LPCAT4: variants seen among roughly 807,000 people sequenced by gnomAD.
LPCAT4 encodes the protein lysophospholipid acyltransferase LPCAT4.
In LPCAT4, 30 loss-of-function variants were observed where a neutral mutation model predicts 66.5. The ratio of observed to expected loss-of-function variants is 0.45; its 90% CI spans 0.34 to 0.61. The LOEUF (loss-of-function observed/expected upper bound fraction) is 0.61, where lower values mean the gene tolerates loss of function less well. Among genes scored for constraint, LPCAT4 ranks in the 20% least tolerant of loss-of-function variants. The pLI, the probability that LPCAT4 is intolerant of heterozygous loss-of-function variation, is 0.01. For synonymous variants in LPCAT4, 253 were observed against 262.1 expected, an observed-to-expected ratio of 0.97 and a Z score of 0.34; for missense variants, 557 against 656.7, an observed-to-expected ratio of 0.85 and a Z score of 1.66.
chr15:34,364,734 G>T lies in LPCAT4; in HGVS notation c.478+274C>A, dbSNP rs377313027. 2.0e-5 allele frequency: 8 copies of T among 397,366 alleles called. No homozygotes were observed. The South Asian group carries it at 3.4e-4, about 17-fold the overall frequency. The allele number at this position is 397,366 out of a possible 1,614,324, so 24.6% of individuals were successfully genotyped here. A position where few individuals can be genotyped will look rare whatever the true frequency, so the allele number is the denominator to read the frequency against. ...CTCCCAACGTGCTGGGATTATAGGC[G>T]CGAGCCACCGTGCCTGGCCTGTTAT... On this transcript the variant is annotated intron_variant, in intron 3 of 13. Transcript: ENST00000314891.
rs915488132 is a variant in LPCAT4, at chr15:34,363,856, C to T, written c.653-137G>A. 3 of 1,322,008 alleles carry T rather than the reference C, an allele frequency of 2.3e-6. No homozygotes were observed. The highest frequency in any genetic ancestry group is 3.2e-6 in the Non-Finnish European group (3 of 924,742). The allele number at this position is 1,322,008 out of a possible 1,614,324, so 81.9% of individuals were successfully genotyped here. On this transcript the variant is annotated intron_variant, in intron 5 of 13. Transcript: ENST00000314891. The surrounding 1 kb of genome is among the most constrained non-coding windows in gnomAD (Gnocchi z 4.3). ...GTTCCACTCATTGATAATTTTCTCT[C>T]TGACTCCTCGACTTGACAGCATTAG...
At chr15:34,360,438 T>C (rs568836092) in intron 11 of LPCAT4, among the ~76,000 whole-genome samples, 1 of 152,298 alleles carries the variant, frequency 6.6e-6, no homozygotes, top group South Asian at 2.1e-4. Context: ...CATAAAGGGA[T>C]CTCCTAGGAA....
At position 34,367,062 on chromosome 15, in the gene LPCAT4, A is replaced by G. The variant is rs1891097296; in HGVS notation, c.39T>C (p.Asp13=). ...GGGATGCTGGGGGTCCGGGGGTGGGATCTAGGGGGGCCCAGTCCCCCGGAC... is the reference window on the plus strand; with the variant it reads ...GGGATGCTGGGGGTCCGGGGGTGGGGTCTAGGGGGGCCCAGTCCCCCGGAC... The part of the protein sequence containing the change: ...QGSPGDWAPL[D]PTPGPPASPN... Residue 13 remains aspartate, a synonymous_variant, in exon 1 of 14, where the codon GAT becomes GAC. Coordinates refer to ENST00000314891, the MANE Select transcript of LPCAT4 (RefSeq NM_153613.3). The G allele has an allele frequency of 1.9e-6, 3 of 1,551,690 alleles. No homozygotes were observed. Among genetic ancestry groups the G allele is most frequent in the Non-Finnish European group, 2.6e-6 (3 of 1,147,280 alleles).
intron 1 of LPCAT4, 117 bp from the exon 2 acceptor site, chr15:34,365,818 G>T: frequency 7.9e-7 from 1 of 1,259,384 alleles, no homozygotes; most frequent in Non-Finnish European, 1.1e-6. Flanking sequence ...GCATGTGACA[G>T]GTGGTGTGGG....
rs78731388 is a variant in LPCAT4 at position 34,362,357 on chromosome 15, A to G, written c.885-36T>C. ...AAGAGGGATGGGATGGAGGGTAAGG[A>G]AGCAGAAGAAACTTCTGAGGGTTGG... On this transcript the variant is annotated intron_variant, in intron 9 of 13. Coordinates refer to ENST00000314891, the MANE Select transcript of LPCAT4 (RefSeq NM_153613.3). 279 of 1,612,582 alleles carry G rather than the reference A, an allele frequency of 1.7e-4. 1 individual carries two copies. The African/African-American group carries it at 2.9e-3, about 17-fold the overall frequency.
In LPCAT4 at chr15:34,363,344, G is replaced by A. The variant is rs1043443124; in HGVS notation, c.746+78C>T. The stretch of plus-strand genomic sequence containing the variant: ...ATGAAGAAGGGCCATTCACCTTGTC[G>A]GGAGATTGGAAGATGGGCCAGGAAT... On this transcript the variant is annotated intron_variant, in intron 7 of 13. Transcript: ENST00000314891. The surrounding 1 kb of genome is among the most constrained non-coding windows in gnomAD (Gnocchi z 4.3). The A allele has an allele frequency of 4.9e-5, 72 of 1,482,994 alleles. No homozygotes were observed. Among genetic ancestry groups the A allele is most frequent in the East Asian group, 2.3e-4 (10 of 44,210 alleles). 91.9% of individuals were successfully genotyped at this position (1,482,994 alleles called of 1,614,324 possible).
Position 34,365,212 on chromosome 15 carries a change from C to T in LPCAT4, c.274G>A (p.Gly92Arg), listed in dbSNP as rs767118556. 9 of 1,608,214 alleles carry T rather than the reference C, an allele frequency of 5.6e-6. No individual in the cohort carries two copies. Among genetic ancestry groups the T allele is most frequent in the African/African-American group, 2.7e-5 (2 of 74,924 alleles). The change falls in exon 3 of 14, where the codon GGG becomes AGG. Residue 92 changes from glycine to arginine, a missense_variant. Transcript: ENST00000314891. ...TGWRKTVCHNGVLGLSRLLFF... is the reference protein window; with the variant it reads ...TGWRKTVCHNRVLGLSRLLFF... ...AGCAGGCGGCTCAGGCCTAGCACCC[C>T]GTTGTGGCACACAGTCCTGCCAGGG...
rs946367663 is a variant in LPCAT4 at position 34,363,861 on chromosome 15, T to C, written c.653-142A>G. On this transcript the variant is annotated intron_variant, in intron 5 of 13. Coordinates refer to ENST00000314891, the MANE Select transcript of LPCAT4 (RefSeq NM_153613.3). This position sits in a 1 kb window ranked among gnomAD's most constrained non-coding sequence, Gnocchi z 4.3. ...ACTCATTGATAATTTTCTCTCTGAC[T>C]CCTCGACTTGACAGCATTAGCTAGG... 13 of 1,298,642 alleles carry C rather than the reference T, an allele frequency of 1.0e-5. No individual in the cohort carries two copies. The African/African-American group carries it at 1.9e-4, about 19-fold the overall frequency. 80.4% of individuals were successfully genotyped at this position (1,298,642 alleles called of 1,614,324 possible).
intron 1 of LPCAT4, among the ~76,000 whole-genome samples, chr15:34,366,693 C>T (rs577644169): frequency 1.3e-5 from 2 of 151,250 alleles, no homozygotes; most frequent in South Asian, 2.1e-4. Context: ...ATGTAATCCG[C>T]ATTCCCCAGC....
At position 34,363,343 on chromosome 15, in the gene LPCAT4, C is replaced by T. The variant is rs1404751333; in HGVS notation, c.746+79G>A. 21 of 1,477,954 alleles carry T rather than the reference C, an allele frequency of 1.4e-5. No homozygotes were observed. Among genetic ancestry groups the T allele is most frequent in the South Asian group, 9.8e-5 (8 of 81,872 alleles). 91.6% of individuals were successfully genotyped at this position (1,477,954 alleles called of 1,614,324 possible). A position where few individuals can be genotyped will look rare whatever the true frequency, so the allele number is the denominator to read the frequency against. On this transcript the variant is annotated intron_variant, in intron 7 of 13. Transcript: ENST00000314891. The surrounding 1 kb of genome is among the most constrained non-coding windows in gnomAD (Gnocchi z 4.3). ...GATGAAGAAGGGCCATTCACCTTGT[C>T]GGGAGATTGGAAGATGGGCCAGGAA...
chr15:34,359,549 C>G, intron 13 of LPCAT4, 40 bp downstream of exon 13: 1 of 1,596,118 alleles, frequency 6.3e-7, no homozygotes, highest in Non-Finnish European at 8.5e-7. Flanking sequence ...GCTGATGGTG[C>G]CCCAAGTGCC....
rs1246509296 is a variant in LPCAT4, at chr15:34,363,589, C to T, written c.711+72G>A. 6 of 1,602,820 alleles carry T rather than the reference C, an allele frequency of 3.7e-6. No homozygotes were observed. Among genetic ancestry groups the T allele is most frequent in the Non-Finnish European group, 5.1e-6 (6 of 1,169,894 alleles). ...AATGCACATCCCATTAAAGCACCAA[C>T]AGTTTTCACTTATTTCCATTTGGGG... On this transcript the variant is annotated intron_variant, in intron 6 of 13. Transcript: ENST00000314891. The surrounding 1 kb of genome is among the most constrained non-coding windows in gnomAD (Gnocchi z 4.3).
rs1183880332 is a variant in LPCAT4, at chr15:34,359,300, G to C, written c.1402C>G (p.Gln468Glu). 3 of 1,503,116 alleles carry C rather than the reference G, an allele frequency of 2.0e-6. No homozygotes were observed. The highest frequency in any genetic ancestry group is 2.7e-6 in the Non-Finnish European group (3 of 1,126,948). The allele number at this position is 1,503,116 out of a possible 1,614,324, so 93.1% of individuals were successfully genotyped here. Residue 468 changes from glutamine to glutamate, a missense_variant and splice_region_variant, in exon 14 of 14, where the codon CAG (glutamine) becomes GAG (glutamate). Transcript: ENST00000314891. ...TCATGGAGGGAGAAGTTCTGGAACT[G>C]ACCTGGACAAATAAGAGATGGGGAA... is the stretch of plus-strand genomic sequence containing the variant. ...AGSSQGLSLC[Q>E]FQNFSLHDPL...
chr15:34,361,974 C>T (rs1295334840), intron 10 of LPCAT4, among the ~76,000 whole-genome samples: 2 of 152,234 alleles, frequency 1.3e-5, no homozygotes, highest in African/African-American at 4.8e-5. Flanking sequence ...GCTGGGATTA[C>T]AGGTGTGAGC....
Position 34,360,147 on chromosome 15 carries a change from G to A in LPCAT4, c.1206C>T (p.Gly402=). The change falls in exon 12 of 14, where the codon GGC becomes GGT. Residue 402 remains glycine (G), a synonymous_variant. Transcript: ENST00000314891. ...GACGAGTTAGCTCTTCCAGGCTCCT[G>A]CCCCCATCCAGAGCTGCTAGTGCAA... ...VALALAALDG[G]RSLEELTRLA... 1.9e-6 allele frequency: 3 copies of A among 1,612,710 alleles called. No homozygotes were observed. Among genetic ancestry groups the A allele is most frequent in the Non-Finnish European group, 2.5e-6 (3 of 1,179,680 alleles).
In LPCAT4 at chr15:34,362,390, C is replaced by G. The variant is rs1465365938; in HGVS notation, c.885-69G>C. 21 of 1,590,830 alleles carry G rather than the reference C, an allele frequency of 1.3e-5. No individual in the cohort carries two copies. The Admixed American group carries it at 3.5e-4, about 27-fold the overall frequency. The stretch of plus-strand genomic sequence containing the variant: ...GAAACTTCTGAGGGTTGGTTCCTGA[C>G]CCTGGCCCGCTGACTGGAGTAGATC... On this transcript the variant is annotated intron_variant, in intron 9 of 13. Transcript: ENST00000314891.
At chr15:34,365,805 C>A in intron 1 of LPCAT4, 104 bp from the exon 2 acceptor site, 1 of 1,367,770 alleles carries the variant, frequency 7.3e-7, no homozygotes. Context: ...GCCATCATCC[C>A]TTGCATGTGA....
Position 34,361,509 on chromosome 15 carries a change from G to C in LPCAT4, c.1034C>G (p.Ala345Gly). 6.2e-7 allele frequency: 1 copy of C among 1,613,956 alleles called. No individual in the cohort carries two copies. Among genetic ancestry groups the C allele is most frequent in the Non-Finnish European group, 8.5e-7 (1 of 1,180,030 alleles). The change falls in exon 11 of 14, where the codon GCT (alanine) becomes GGT (glycine). Residue 345 changes from alanine to glycine, a missense_variant. Ala to Gly is a moderately conservative substitution (Grantham distance 60). Around this residue, in one of 4 missense-constraint regions of LPCAT4, gnomAD observed 392 missense variants for 473.9 expected, o/e 0.83. Coordinates refer to ENST00000314891, the MANE Select transcript of LPCAT4 (RefSeq NM_153613.3). ...KAGLSAGYVD[A>G]GAEPGRSRMI... Reference sequence around the variant, plus strand: ...TCGACTCCGGCCTGGCTCTGCCCCAGCGTCCACATAGCCAGCGGACAGCCT... The same window carrying C: ...TCGACTCCGGCCTGGCTCTGCCCCACCGTCCACATAGCCAGCGGACAGCCT...
At chr15:34,361,056 C>T in intron 11 of LPCAT4, 1 of 359,924 alleles carries the variant, frequency 2.8e-6, no homozygotes, top group Non-Finnish European at 4.4e-6. Flanking sequence ...GTCATCTTCC[C>T]ACGTAACCTT....
Sources: allele counts gnomAD v4.1 joint callset (sites outside exome capture counted in the v4.1 genomes callset), GRCh38; gene constraint gnomAD v4.1.1; regional missense constraint gnomAD v4.1.1; non-coding constraint Gnocchi (gnomAD v3.1); transcripts MANE v1.5; gene names NCBI Gene and HGNC (gene_info 2026-07-23, HGNC 2026-07-21).